The following ZMIZ1 variants were observed in gnomAD, a reference collection of about 807,000 sequenced individuals.
ZMIZ1 encodes zinc finger MIZ domain-containing protein 1.
A neutral mutation model predicts 113.9 loss-of-function variants in ZMIZ1; 17 were observed. The observed-to-expected ratio is 0.15, with a 90% CI of 0.10 to 0.22. The LOEUF (loss-of-function observed/expected upper bound fraction) is 0.22, where lower values mean the gene tolerates loss of function less well. Among genes scored for constraint, ZMIZ1 ranks in the 10% least tolerant of loss-of-function variants. ZMIZ1 has a pLI of 1.00. For synonymous variants in ZMIZ1, 607 were observed against 603.1 expected (o/e 1.01, Z -0.09); for missense variants, 1,059 against 1,477.8 (o/e 0.72, Z 4.65).
intron 7 of ZMIZ1, among the ~76,000 whole-genome samples, chr10:79,262,125 T>TC (rs913252307): frequency 3.9e-5 from 6 of 152,208 alleles, no homozygotes; most frequent in African/African-American, 4.8e-5. Flanking sequence ...AAAGAATGTT[T>TC]CCCCCCTCAT....
chr10:79,199,274 G>A (rs1246915207), intron 4 of ZMIZ1, among the ~76,000 whole-genome samples: 7 of 152,258 alleles, frequency 4.6e-5, no homozygotes, highest in South Asian at 2.1e-4. Context: ...TTGGGAGGCC[G>A]AGGCAGGGGA....
Position 79,300,719 on chromosome 10 carries a change from G to A in ZMIZ1, c.1809-13G>A, listed in dbSNP as rs757428261. The stretch of plus-strand genomic sequence containing the variant: ...TGGCAGAGCTGCCCTGAGCACCCTC[G>A]TTCCCCACCTAGGTCTGACCTGGAG... On this transcript the variant is annotated splice_polypyrimidine_tract_variant and intron_variant, in intron 16 of 24. Transcript: ENST00000334512. 44 of 1,611,758 alleles carry A rather than the reference G, an allele frequency of 2.7e-5. No individual in the cohort carries two copies. In the East Asian group the frequency reaches 2.9e-4, roughly 11 times the overall value.
At chr10:79,293,251 T>C (rs1853632259) in intron 11 of ZMIZ1, 130 bp from the exon 12 acceptor site, 18 of 1,246,146 alleles carry the variant, frequency 1.4e-5, no homozygotes, top group Non-Finnish European at 1.8e-5. Flanking sequence ...CACCAGTCAC[T>C]GCCGCACAGG....
At chr10:79,075,825 A>G (rs1842456428) in intron 1 of ZMIZ1, among the ~76,000 whole-genome samples, 1 of 152,082 alleles carries the variant, frequency 6.6e-6, no homozygotes, top group Non-Finnish European at 1.5e-5. Context: ...AAATACATAC[A>G]CTGTACTTTC....
intron 7 of ZMIZ1, chr10:79,243,697 C>A: frequency 3.3e-6 from 1 of 305,856 alleles, no homozygotes; most frequent in Non-Finnish European, 6.5e-6. Context: ...CCCCAAGCCC[C>A]CGAGGGCGCC....
At position 79,134,441 on chromosome 10, in the gene ZMIZ1, G is replaced by A. The variant is rs143666676; in HGVS notation, c.-226-5241G>A. ...AGGGAGGTGGCTTTATCTGCTGCTGGAGAACTATGAGGACCAGACTCCAAC... is the reference window on the plus strand; with the variant it reads ...AGGGAGGTGGCTTTATCTGCTGCTGAAGAACTATGAGGACCAGACTCCAAC... On this transcript the variant is annotated intron_variant, in intron 2 of 24. Coordinates refer to ENST00000334512, the MANE Select transcript of ZMIZ1 (RefSeq NM_020338.4). 9.3e-3 allele frequency among the ~76,000 whole-genome samples: 1,423 copies of A among 152,338 alleles called. 15 individuals are homozygous for A. The highest frequency in any genetic ancestry group is 0.012 in the Non-Finnish European group (824 of 68,034).
chr10:79,085,912 G>A (rs1347813035), intron 1 of ZMIZ1, among the ~76,000 whole-genome samples: 3 of 152,192 alleles, frequency 2.0e-5, no homozygotes, highest in South Asian at 2.1e-4. Flanking sequence ...GGGCAGCACC[G>A]GGCACTGGAA....
At chr10:79,292,063 T>C in intron 10 of ZMIZ1, 95 bp from the exon 11 acceptor site, 1 of 1,262,114 alleles carries the variant, frequency 7.9e-7, no homozygotes, top group Non-Finnish European at 1.1e-6. Context: ...AGGTTCTGGG[T>C]ACAGCTCCAT....
chr10:79,228,070 G>C (rs575887838), intron 7 of ZMIZ1, among the ~76,000 whole-genome samples: 1 of 152,302 alleles, frequency 6.6e-6, no homozygotes, highest in South Asian at 2.1e-4. Flanking sequence ...GAAACCTTGA[G>C]GGCTTCTGTC....
intron 4 of ZMIZ1, among the ~76,000 whole-genome samples, chr10:79,198,011 G>T (rs1432480220): frequency 3.3e-5 from 5 of 152,138 alleles, no homozygotes; most frequent in Admixed American, 3.3e-4. Flanking sequence ...TGTAATCCCA[G>T]CACTTTTGGA....
chr10:79,162,216 G>T (rs1228547985), intron 4 of ZMIZ1, 83 bp downstream of exon 4: 2 of 398,132 alleles, frequency 5.0e-6, no homozygotes, highest in African/African-American at 2.1e-5. Flanking sequence ...GCCCTAGCAC[G>T]CTGGACCTTT....
At chr10:79,232,984 G>A (rs1000206187) in intron 7 of ZMIZ1, among the ~76,000 whole-genome samples, 1 of 152,210 alleles carries the variant, frequency 6.6e-6, no homozygotes, top group African/African-American at 2.4e-5. Flanking sequence ...GAATCTGGAG[G>A]CTCCCTCTTG....
chr10:79,240,592 A>G (rs1849780042), intron 7 of ZMIZ1, among the ~76,000 whole-genome samples: 1 of 149,724 alleles, frequency 6.7e-6, no homozygotes, highest in African/African-American at 2.5e-5. Context: ...GATGCTTGAA[A>G]ACAATTTGTT....
chr10:79,076,423 C>T (rs1178074834), intron 1 of ZMIZ1, among the ~76,000 whole-genome samples: 1 of 152,168 alleles, frequency 6.6e-6, no homozygotes, highest in Non-Finnish European at 1.5e-5. Flanking sequence ...TTTTCAGTGG[C>T]ATTCCCAGAC....
At chr10:79,269,405 TC>T (rs1467722124) in intron 7 of ZMIZ1, among the ~76,000 whole-genome samples, 1 of 149,508 alleles carries the variant, frequency 6.7e-6, no homozygotes, top group Non-Finnish European at 1.5e-5. Context: ...TGCTGCCCCA[TC>T]CCTGGGGGTC....
At chr10:79,248,815 T>C (rs1850366802) in intron 7 of ZMIZ1, among the ~76,000 whole-genome samples, 1 of 152,140 alleles carries the variant, frequency 6.6e-6, no homozygotes, top group South Asian at 2.1e-4. Flanking sequence ...CCCAGGAGGC[T>C]TTAAATCAAT....
chr10:79,194,213 G>A (rs1439900981), intron 4 of ZMIZ1, among the ~76,000 whole-genome samples: 3 of 152,272 alleles, frequency 2.0e-5, no homozygotes, highest in African/African-American at 7.2e-5. Flanking sequence ...CCACTTGCCT[G>A]TGCAAGCTGT....
chr10:79,135,721 G>C (rs990790557), intron 2 of ZMIZ1, among the ~76,000 whole-genome samples: 2 of 152,214 alleles, frequency 1.3e-5, no homozygotes, highest in African/African-American at 4.8e-5. Context: ...TGGGGTCCAA[G>C]GGCCAGGGTT....
chr10:79,079,895 T>G (rs72816225), intron 1 of ZMIZ1, among the ~76,000 whole-genome samples: 14,864 of 152,266 alleles, frequency 0.098, 989 homozygotes, highest in East Asian at 0.2. Context: ...AGGCTGCATT[T>G]TGTGGGTCCC....
Sources: gnomAD v4.1 joint callset for allele counts (sites outside exome capture counted in the v4.1 genomes callset) on GRCh38, gnomAD v4.1.1 for gene constraint, MANE v1.5 for transcripts, NCBI Gene and HGNC (gene_info 2026-07-23, HGNC 2026-07-21) for gene names.